SLC16A7: variants seen among roughly 807,000 people sequenced by gnomAD.
The protein encoded by SLC16A7 is monocarboxylate transporter 2.
A neutral mutation model predicts 34.9 loss-of-function variants in SLC16A7; 33 were observed. The observed-to-expected ratio is 0.94, with a 90% CI of 0.72 to 1.26. SLC16A7 has a LOEUF of 1.26. Ranked by LOEUF, SLC16A7 falls within the 50% of genes most tolerant of loss-of-function variation. The probability of loss-of-function intolerance (pLI) is 0.00; values close to 1 mark genes in which losing one functional copy is unlikely to be tolerated. For synonymous variants in SLC16A7, 201 were observed against 206.6 expected (o/e 0.97, Z 0.23); for missense variants, 573 against 578.1 (o/e 0.99, Z 0.09).
chr12:59,600,134 G>A (rs1213417777), intron 1 of SLC16A7, among the ~76,000 whole-genome samples: 2 of 152,234 alleles, frequency 1.3e-5, no homozygotes, highest in Admixed American at 6.5e-5. Flanking sequence ...AACATTAAAT[G>A]AGATAATATC....
At chr12:59,656,324 GTGACT>G (rs1868532711) in intron 2 of SLC16A7, among the ~76,000 whole-genome samples, 1 of 151,986 alleles carries the variant, frequency 6.6e-6, no homozygotes, top group Non-Finnish European at 1.5e-5. Flanking sequence ...TGCTAATCAG[GTGACT>G]TTGAAATTAT....
At chr12:59,709,778 T>C (rs1163638338) in intron 3 of SLC16A7, among the ~76,000 whole-genome samples, 1 of 151,612 alleles carries the variant, frequency 6.6e-6, no homozygotes, top group African/African-American at 2.4e-5. Context: ...CTATGAAATA[T>C]GGTACAGTGT....
At chr12:59,768,610 G>A (rs975732303) in intron 3 of SLC16A7, among the ~76,000 whole-genome samples, 2 of 152,152 alleles carry the variant, frequency 1.3e-5, no homozygotes, top group Non-Finnish European at 2.9e-5. Flanking sequence ...GTTCTACTGT[G>A]GGTAAAATGC....
chr12:59,666,733 C>CATTAA lies in SLC16A7; in HGVS notation c.-31+11485_-31+11489dup, dbSNP rs557007208. 1.0e-3 allele frequency among the ~76,000 whole-genome samples: 156 copies of CATTAA among 152,252 alleles called. 2 individuals carry two copies. The East Asian group carries it at 0.011, about 10-fold the overall frequency. On this transcript the variant is annotated intron_variant, in intron 2 of 5. Transcript: ENST00000547379. ...CTCCAGCCATGTGGAACAGTGAGTCCATTAAACCTTTTTCCTTTATAAGTT... is the reference window on the plus strand; with the variant it reads ...CTCCAGCCATGTGGAACAGTGAGTCCATTAAATTAAACCTTTTTCCTTTATAAGTT...
intron 2 of SLC16A7, among the ~76,000 whole-genome samples, chr12:59,663,743 C>T (rs1199042277): frequency 6.6e-6 from 1 of 151,870 alleles, no homozygotes; most frequent in Non-Finnish European, 1.5e-5. Flanking sequence ...AGTTTTTAAG[C>T]TTAAGTTTTC....
chr12:59,628,728 A>C (rs1880046296), intron 1 of SLC16A7, among the ~76,000 whole-genome samples: 2 of 151,778 alleles, frequency 1.3e-5, no homozygotes, highest in Non-Finnish European at 1.5e-5. Context: ...CTGGCATATG[A>C]AAGGTTCTTA....
chr12:59,622,393 C>G (rs141922331), intron 1 of SLC16A7, among the ~76,000 whole-genome samples: 1 of 151,744 alleles, frequency 6.6e-6, no homozygotes, highest in South Asian at 2.1e-4. Flanking sequence ...ATTTCATCAA[C>G]GAGAATGAAG....
At chr12:59,628,141 A>G (rs1880008615) in intron 1 of SLC16A7, among the ~76,000 whole-genome samples, 2 of 151,572 alleles carry the variant, frequency 1.3e-5, no homozygotes, top group Admixed American at 6.6e-5. Flanking sequence ...TCCTCTCTTT[A>G]CTTTTTTATA....
intron 2 of SLC16A7, among the ~76,000 whole-genome samples, chr12:59,660,145 GA>G (rs1459273278): frequency 6.6e-6 from 1 of 151,582 alleles, no homozygotes; most frequent in Non-Finnish European, 1.5e-5. Context: ...GAATCCTTTA[GA>G]TTTTTTTTTA....
rs542278110 is a variant in SLC16A7, at chr12:59,612,471, G to A, written c.-130+16235G>A. Among the ~76,000 whole-genome samples the A allele has an allele frequency of 7.9e-5, 12 of 152,222 alleles. No homozygotes were observed. The East Asian group carries it at 1.2e-3, about 15-fold the overall frequency. ...CCTGGACCTGGCCTGTGATAGGAGG[G>A]GCAGCGATGAAAGTCTGTGGCATGC... On this transcript the variant is annotated intron_variant, in intron 1 of 5. Coordinates refer to ENST00000547379, the MANE Select transcript of SLC16A7 (RefSeq NM_001270623.2).
Position 59,637,240 on chromosome 12 carries a change from A to C in SLC16A7, c.-129-17912A>C, listed in dbSNP as rs143293574. Among the ~76,000 whole-genome samples, 78 of 152,202 alleles carry C rather than the reference A, an allele frequency of 5.1e-4. 1 individual carries two copies. The East Asian group carries it at 0.013, about 25-fold the overall frequency. On this transcript the variant is annotated intron_variant, in intron 1 of 5. Transcript: ENST00000547379. ...TATTTAAATTTTTAAAAAGTACCTA[A>C]ATTTAAGATACCACAAAGTGTTATT...
chr12:59,733,727 C>T, intron 3 of SLC16A7: 1 of 456,106 alleles, frequency 2.2e-6, no homozygotes, highest in Non-Finnish European at 4.4e-6. Context: ...AGGTCCCAAG[C>T]TCCCATCTCA....
chr12:59,671,603 TTCAA>T (rs1466766343), intron 2 of SLC16A7, among the ~76,000 whole-genome samples: 1 of 151,572 alleles, frequency 6.6e-6, no homozygotes, highest in Non-Finnish European at 1.5e-5. Context: ...ATGGAGTAGC[TTCAA>T]TCAGTTTTTG....
At chr12:59,713,479 G>C (rs754106073) in intron 3 of SLC16A7, among the ~76,000 whole-genome samples, 4 of 152,194 alleles carry the variant, frequency 2.6e-5, no homozygotes, top group Non-Finnish European at 4.4e-5. Context: ...TGCTGTGGGT[G>C]ACTTAAGTTT....
intron 2 of SLC16A7, among the ~76,000 whole-genome samples, chr12:59,669,652 T>TCACACACACACACACA (rs144456899): frequency 0.1 from 14,572 of 139,234 alleles, 894 homozygotes; most frequent in Non-Finnish European, 0.13. Context: ...CCATAGATAG[T>TCACACACACACACACA]CACACACACA....
intron 3 of SLC16A7, among the ~76,000 whole-genome samples, chr12:59,749,972 C>T (rs1006688014): frequency 7.9e-5 from 12 of 152,268 alleles, no homozygotes; most frequent in Non-Finnish European, 1.6e-4. Flanking sequence ...GGAAAGCATT[C>T]CCTATTTAAC....
intron 2 of SLC16A7, among the ~76,000 whole-genome samples, chr12:59,672,256 A>C (rs1335342899): frequency 1.4e-5 from 2 of 147,270 alleles, no homozygotes; most frequent in Non-Finnish European, 3.0e-5. Flanking sequence ...ATATGTGTAT[A>C]TATGCATATA....
chr12:59,744,317 T>C (rs1226731743), intron 3 of SLC16A7, among the ~76,000 whole-genome samples: 1 of 152,068 alleles, frequency 6.6e-6, no homozygotes, highest in Non-Finnish European at 1.5e-5. Context: ...GAGAAGCAGC[T>C]GGACATTAGA....
chr12:59,764,962 G>A (rs1881435200), intron 3 of SLC16A7, among the ~76,000 whole-genome samples: 1 of 152,198 alleles, frequency 6.6e-6, no homozygotes, highest in Admixed American at 6.5e-5. Flanking sequence ...GTGTGAAAGT[G>A]TTTCTGTTTC....
Sources: gnomAD v4.1 joint callset for allele counts (sites outside exome capture counted in the v4.1 genomes callset) on GRCh38, gnomAD v4.1.1 for gene constraint, MANE v1.5 for transcripts, NCBI Gene and HGNC (gene_info 2026-07-23, HGNC 2026-07-21) for gene names.